Variants in ADAMTS19 observed in about 807,000 individuals in gnomAD.
ADAMTS19 encodes the protein A disintegrin and metalloproteinase with thrombospondin motifs 19.
ADAMTS19 carries 93 observed loss-of-function variants against 153.3 expected under a neutral mutation model. The ratio of observed to expected loss-of-function variants is 0.61; its 90% CI spans 0.51 to 0.72. The LOEUF is 0.72. Among genes scored for constraint, ADAMTS19 ranks in the 30% least tolerant of loss-of-function variants. The pLI is 0.00. For synonymous variants in ADAMTS19, 600 were observed against 556.6 expected, an observed-to-expected ratio of 1.08 and a Z score of -1.10; for missense variants, 1,482 against 1,552.1, an observed-to-expected ratio of 0.95 and a Z score of 0.76.
chr5:129,463,346 T>C (rs904389096), intron 2 of ADAMTS19, among the ~76,000 whole-genome samples: 1 of 152,186 alleles, frequency 6.6e-6, no homozygotes, highest in African/African-American at 2.4e-5. Context: ...TTTTTGTATG[T>C]AACAAACCTG....
At chr5:129,597,906 A>AG (rs1750458652) in intron 8 of ADAMTS19, among the ~76,000 whole-genome samples, 2 of 151,644 alleles carry the variant, frequency 1.3e-5, no homozygotes, top group South Asian at 2.1e-4. Flanking sequence ...ATCTCAAAAA[A>AG]AAAAAAAGAA....
intron 16 of ADAMTS19, among the ~76,000 whole-genome samples, chr5:129,672,056 A>G (rs910209665): frequency 2.6e-5 from 4 of 152,306 alleles, no homozygotes; most frequent in Non-Finnish European, 2.9e-5. Context: ...TCTGGAGGCC[A>G]GAAGTGTGAG....
intron 10 of ADAMTS19, among the ~76,000 whole-genome samples, chr5:129,639,301 A>G (rs1471670496): frequency 6.6e-6 from 1 of 152,138 alleles, no homozygotes; most frequent in Non-Finnish European, 1.5e-5. Flanking sequence ...GAGGTATTCC[A>G]CTTTTCAAGG....
At chr5:129,596,074 G>A (rs1750361349) in intron 7 of ADAMTS19, among the ~76,000 whole-genome samples, 1 of 151,860 alleles carries the variant, frequency 6.6e-6, no homozygotes, top group South Asian at 2.1e-4. Flanking sequence ...AGTTAACATA[G>A]TATTTCATAA....
intron 10 of ADAMTS19, among the ~76,000 whole-genome samples, chr5:129,627,202 A>C (rs1752088292): frequency 6.6e-6 from 1 of 152,110 alleles, no homozygotes; most frequent in Non-Finnish European, 1.5e-5. Context: ...TCAAGGACTA[A>C]GACCCAGGTC....
intron 6 of ADAMTS19, among the ~76,000 whole-genome samples, chr5:129,535,725 T>A (rs530686460): frequency 4.6e-5 from 7 of 151,986 alleles, no homozygotes; most frequent in Non-Finnish European, 1.0e-4. Flanking sequence ...TATAGACCAA[T>A]GGAACAGAAC....
intron 21 of ADAMTS19, among the ~76,000 whole-genome samples, chr5:129,706,720 GAAATACGGCTAGC>G (rs1756173161): frequency 6.6e-6 from 1 of 152,122 alleles, no homozygotes; most frequent in Non-Finnish European, 1.5e-5. Context: ...GCTGCATGTG[GAAATACGGCTAGC>G]AAATCCTATT....
At chr5:129,607,957 A>G (rs1196132141) in intron 8 of ADAMTS19, among the ~76,000 whole-genome samples, 1 of 146,274 alleles carries the variant, frequency 6.8e-6, no homozygotes, top group African/African-American at 2.6e-5. Flanking sequence ...ATATATATAT[A>G]CACACACATA....
intron 16 of ADAMTS19, among the ~76,000 whole-genome samples, chr5:129,673,654 G>T (rs1754411940): frequency 1.3e-5 from 2 of 151,748 alleles, no homozygotes; most frequent in South Asian, 4.2e-4. Flanking sequence ...AGTTTTATTT[G>T]GTTCTAGTCT....
chr5:129,477,658 TGTA>T (rs900765946), intron 2 of ADAMTS19, among the ~76,000 whole-genome samples: 35 of 152,256 alleles, frequency 2.3e-4, no homozygotes, highest in Admixed American at 5.2e-4. Context: ...TTAGCTCTGT[TGTA>T]GTATTTTAGT....
intron 7 of ADAMTS19, among the ~76,000 whole-genome samples, chr5:129,555,181 A>G (rs1753272162): frequency 6.6e-6 from 1 of 152,106 alleles, no homozygotes; most frequent in South Asian, 2.1e-4. Flanking sequence ...AGTTTGGATC[A>G]TATAGGGTTG....
At position 129,460,425 on chromosome 5, in the gene ADAMTS19, A is replaced by T; in HGVS notation, c.34A>T (p.Ile12Phe). The T allele has an allele frequency of 1.2e-6, 2 of 1,614,064 alleles. No homozygotes were observed. Among genetic ancestry groups the T allele is most frequent in the Non-Finnish European group, 1.7e-6 (2 of 1,179,972 alleles). ...GKNREMRLTH[I>F]CCCCLLYQLG... is the part of the protein sequence containing the mutation. ...GAACCGCGAGATGCGCCTGACTCAC[A>T]TCTGCTGCTGCTGCCTCCTTTACCA... The change falls in exon 1 of 23, where the codon ATC (isoleucine) becomes TTC (phenylalanine). Residue 12 changes from isoleucine (I) to phenylalanine (F), a missense_variant. Physicochemically the swap from Ile to Phe is conservative, Grantham distance 21. Around this residue, in one of 2 missense-constraint regions of ADAMTS19, gnomAD observed 866 missense variants for 827.7 expected, o/e 1.05. Transcript: ENST00000274487.
rs534505722 is a variant in ADAMTS19 at position 129,537,046 on chromosome 5, A to G, written c.1328+8369A>G. Among the ~76,000 whole-genome samples, 376 of 151,552 alleles carry G rather than the reference A, an allele frequency of 2.5e-3. 2 individuals carry two copies. Among genetic ancestry groups the G allele is most frequent in the African/African-American group, 8.5e-3 (348 of 41,108 alleles). ...GCACATTGTGCACATGTACCCTAAA[A>G]CTTAAATTATAATAATAATTTAAAA... On this transcript the variant is annotated intron_variant, in intron 6 of 22. Transcript: ENST00000274487.
At chr5:129,473,749 A>T (rs1184256722) in intron 2 of ADAMTS19, among the ~76,000 whole-genome samples, 1 of 152,136 alleles carries the variant, frequency 6.6e-6, no homozygotes, top group African/African-American at 2.4e-5. Flanking sequence ...ATATTTTAAA[A>T]TGAAAGTTCC....
At chr5:129,524,310 A>G (rs1751927403) in intron 3 of ADAMTS19, among the ~76,000 whole-genome samples, 1 of 152,186 alleles carries the variant, frequency 6.6e-6, no homozygotes, top group Non-Finnish European at 1.5e-5. Context: ...TTCACTCAAG[A>G]TAGATTAAAG....
At chr5:129,718,804 G>A (rs1373949804) in intron 21 of ADAMTS19, among the ~76,000 whole-genome samples, 1 of 152,086 alleles carries the variant, frequency 6.6e-6, no homozygotes, top group Non-Finnish European at 1.5e-5. Context: ...GATTATATCA[G>A]GTTCTATAAG....
At chr5:129,642,105 T>G (rs1444571604) in intron 11 of ADAMTS19, 145 bp downstream of exon 11, 12 of 423,188 alleles carry the variant, frequency 2.8e-5, no homozygotes, top group Non-Finnish European at 4.2e-5. Flanking sequence ...ATTTCATCAG[T>G]TTTAACATTT....
At chr5:129,507,846 A>G (rs1422456593) in intron 2 of ADAMTS19, among the ~76,000 whole-genome samples, 1 of 151,966 alleles carries the variant, frequency 6.6e-6, no homozygotes, top group South Asian at 2.1e-4. Context: ...TTTTTTAGTG[A>G]TAAAACTCAT....
intron 13 of ADAMTS19, among the ~76,000 whole-genome samples, chr5:129,649,606 G>T (rs1262569952): frequency 6.6e-6 from 1 of 152,160 alleles, no homozygotes; most frequent in Non-Finnish European, 1.5e-5. Context: ...GGGGTAGAAT[G>T]AGGAAGATCT....
Sources: gnomAD v4.1 joint callset for allele counts (sites outside exome capture counted in the v4.1 genomes callset) on GRCh38, gnomAD v4.1.1 for gene constraint, gnomAD v4.1.1 regional missense constraint, MANE v1.5 for transcripts, NCBI Gene and HGNC (gene_info 2026-07-23, HGNC 2026-07-21) for gene names.